The following BPIFB2 variants were observed in gnomAD, a reference collection of about 807,000 sequenced individuals.
BPIFB2 encodes BPI fold containing family B member 2.
In BPIFB2, 39 loss-of-function variants were observed where a neutral mutation model predicts 50.1. That is an observed-to-expected ratio of 0.78 (90% confidence interval 0.60 to 1.02). BPIFB2 has a LOEUF of 1.02. BPIFB2 is among the 50% of genes least tolerant of loss of function. BPIFB2 has a pLI of 0.00. For missense variants in BPIFB2, 574 were observed against 585.8 expected (o/e 0.98, Z 0.21); for synonymous variants, 280 against 256.3 (o/e 1.09, Z -0.88).
Position 33,008,585 on chromosome 20 carries a change from C to T in BPIFB2, c.11C>T (p.Ala4Val), listed in dbSNP as rs1990241791. The change falls in exon 2 of 16, where the codon GCA becomes GTA. Residue 4 changes from alanine (A) to valine (V), a missense_variant. Physicochemically the swap from Ala to Val is moderately conservative, Grantham distance 64. Coordinates refer to ENST00000170150, the MANE Select transcript of BPIFB2 (RefSeq NM_025227.3). ...GCGGCCAGGGCAGCCATGGCTTGGGCAAGTAGGCTGGGCCTGCTGCTGGCA... is the reference window on the plus strand; with the variant it reads ...GCGGCCAGGGCAGCCATGGCTTGGGTAAGTAGGCTGGGCCTGCTGCTGGCA... MAWASRLGLLLALL... is the reference protein window; with the variant it reads MAWVSRLGLLLALL... 2 of 1,597,288 alleles carry T rather than the reference C, an allele frequency of 1.3e-6. No individual in the cohort carries two copies. Among genetic ancestry groups the T allele is most frequent in the Non-Finnish European group, 1.7e-6 (2 of 1,172,018 alleles).
In BPIFB2 at chr20:33,018,921, C is replaced by A. The variant is rs537922118; in HGVS notation, c.855+99C>A. On this transcript the variant is annotated intron_variant, in intron 9 of 15. Coordinates refer to ENST00000170150, the MANE Select transcript of BPIFB2 (RefSeq NM_025227.3). ...GAGGCCAAATCATGGGTGGGTGGGG[C>A]CGCTGAAGCTGGCGCCACAGGGTGG... The A allele has an allele frequency of 1.7e-5, 27 of 1,565,932 alleles. No homozygotes were observed. In the East Asian group the frequency reaches 6.1e-4, roughly 35 times the overall value.
intron 10 of BPIFB2, 40 bp from the exon 11 acceptor site, chr20:33,019,540 C>T (rs544024510): frequency 2.5e-5 from 38 of 1,537,736 alleles, no homozygotes; most frequent in African/African-American, 5.5e-5. Flanking sequence ...GCCCGCCAGC[C>T]GCTGCCTCAG....
intron 4 of BPIFB2, 76 bp downstream of exon 4, chr20:33,012,983 T>A (rs1990310340): frequency 8.2e-7 from 1 of 1,220,644 alleles, no homozygotes; most frequent in Non-Finnish European, 1.2e-6. Context: ...GGACGGGGGG[T>A]AGCAACTCCT....
In BPIFB2 at chr20:33,019,631, G is replaced by A. The variant is rs770323559; in HGVS notation, c.961G>A (p.Gly321Ser). ...PMPVVLKVRL[G>S]ATPVAMLHTN... is the part of the protein sequence containing the mutation. Reference sequence around the variant, plus strand: ...GCCTGTGGTGCTCAAGGTGCGGCTGGGTGCCACACCTGTGGCCATGCTCCA... The same window carrying A: ...GCCTGTGGTGCTCAAGGTGCGGCTGAGTGCCACACCTGTGGCCATGCTCCA... Residue 321 changes from glycine to serine, a missense_variant, in exon 11 of 16, where the codon GGT becomes AGT. Coordinates refer to ENST00000170150, the MANE Select transcript of BPIFB2 (RefSeq NM_025227.3). The A allele has an allele frequency of 6.2e-7, 1 of 1,610,514 alleles. No individual in the cohort carries two copies. Among genetic ancestry groups the A allele is most frequent in the African/African-American group, 1.3e-5 (1 of 74,886 alleles).
At chr20:33,021,388 C>A in intron 14 of BPIFB2, 44 bp downstream of exon 14, 1 of 1,567,156 alleles carries the variant, frequency 6.4e-7, no homozygotes, top group Non-Finnish European at 8.7e-7. Flanking sequence ...CTGGCCCCCT[C>A]CATATCCCAC....
In BPIFB2 at chr20:33,019,637, A is replaced by G. The variant is rs1054552010; in HGVS notation, c.967A>G (p.Thr323Ala). 2 of 1,611,412 alleles carry G rather than the reference A, an allele frequency of 1.2e-6. No individual in the cohort carries two copies. The highest frequency in any genetic ancestry group is 3.3e-5 in the Admixed American group (2 of 59,894). Residue 323 changes from threonine to alanine, a missense_variant, in exon 11 of 16, where the codon ACA becomes GCA. Transcript: ENST00000170150. ...PVVLKVRLGA[T>A]PVAMLHTNNA... ...GGTGCTCAAGGTGCGGCTGGGTGCC[A>G]CACCTGTGGCCATGCTCCACACAAA...
At chr20:33,021,853 T>G (rs1978686631) in intron 15 of BPIFB2, 54 bp downstream of exon 15, 2 of 1,550,948 alleles carry the variant, frequency 1.3e-6, no homozygotes, top group African/African-American at 1.4e-5. Flanking sequence ...AGGGACTGAT[T>G]GAGGTGGGGG....
At chr20:33,019,502 C>T in intron 10 of BPIFB2, 78 bp from the exon 11 acceptor site, 1 of 1,436,334 alleles carries the variant, frequency 7.0e-7, no homozygotes, top group Non-Finnish European at 9.3e-7. Flanking sequence ...GTGGCCCAAT[C>T]AGCATTTGAG....
intron 15 of BPIFB2, among the ~76,000 whole-genome samples, chr20:33,022,870 TCTG>T (rs1978726224): frequency 6.6e-6 from 1 of 152,230 alleles, no homozygotes; most frequent in Non-Finnish European, 1.5e-5. Flanking sequence ...TGGCTTGTTC[TCTG>T]CTGGCTCCCC....
At chr20:33,023,309 C>T in intron 15 of BPIFB2, 33 bp from the exon 16 acceptor site, 1 of 1,610,070 alleles carries the variant, frequency 6.2e-7, no homozygotes, top group Non-Finnish European at 8.5e-7. Context: ...TGTGCCTCCT[C>T]TGACCTGGTC....
At chr20:33,015,544 GA>G in intron 6 of BPIFB2, 48 bp downstream of exon 6, 1 of 1,505,884 alleles carries the variant, frequency 6.6e-7, no homozygotes, top group Non-Finnish European at 9.1e-7. Context: ...GCTTCACCGA[GA>G]AGGCACAGTG....
chr20:33,013,079 A>G (rs1377970071), intron 4 of BPIFB2, among the ~76,000 whole-genome samples, 172 bp downstream of exon 4: 1 of 151,998 alleles, frequency 6.6e-6, no homozygotes, highest in African/African-American at 2.4e-5. Context: ...TAGTGAGAAC[A>G]TTTCTGAGAA....
chr20:33,012,584 G>A (rs1217571978), intron 3 of BPIFB2, among the ~76,000 whole-genome samples: 1 of 152,102 alleles, frequency 6.6e-6, no homozygotes, highest in East Asian at 1.9e-4. Flanking sequence ...GCCCGAAGCG[G>A]GGGCCCCTCT....
chr20:33,023,221 G>T lies in BPIFB2; in HGVS notation c.1336-121G>T. ...GTAAACTGAGGCCCAGAGAGGCAAA[G>T]GACTCTCCTCACAACCCACAGCAAG... On this transcript the variant is annotated intron_variant, in intron 15 of 15. Coordinates refer to ENST00000170150, the MANE Select transcript of BPIFB2 (RefSeq NM_025227.3). 3.1e-6 allele frequency: 3 copies of T among 974,808 alleles called. No individual in the cohort carries two copies. The South Asian group carries it at 4.2e-5, about 14-fold the overall frequency. 60.4% of individuals were successfully genotyped at this position (974,808 alleles called of 1,614,324 possible). A position where few individuals can be genotyped will look rare whatever the true frequency, so the allele number is the denominator to read the frequency against.
At chr20:33,011,149 C>T in intron 3 of BPIFB2, 32 bp downstream of exon 3, 1 of 1,596,500 alleles carries the variant, frequency 6.3e-7, no homozygotes, top group Non-Finnish European at 8.6e-7. Context: ...AGAAGGTGCT[C>T]CTGCCACCAA....
Position 33,021,346 on chromosome 20 carries a change from T to G in BPIFB2, c.1258+2T>G. Reference sequence around the variant, plus strand: ...AGCCCCTGCTGGACCATCTCAATGGTAAGCCCTGCCCTCCACCCCAGCAGG... The same window carrying G: ...AGCCCCTGCTGGACCATCTCAATGGGAAGCCCTGCCCTCCACCCCAGCAGG... On this transcript the variant is annotated splice_donor_variant, in intron 14 of 15. Transcript: ENST00000170150. LOFTEE classifies it high-confidence loss of function. The G allele has an allele frequency of 3.1e-6, 5 of 1,612,372 alleles. No individual in the cohort carries two copies. Among genetic ancestry groups the G allele is most frequent in the Non-Finnish European group, 4.2e-6 (5 of 1,179,306 alleles).
chr20:33,020,232 C>A, intron 11 of BPIFB2, 96 bp from the exon 12 acceptor site: 1 of 1,221,246 alleles, frequency 8.2e-7, no homozygotes, highest in South Asian at 1.3e-5. Flanking sequence ...CAGACACCTG[C>A]TGCCTGAATG....
rs1990261129 is a variant in BPIFB2 at position 33,009,710 on chromosome 20, C to T, written c.109+1027C>T. On this transcript the variant is annotated intron_variant, in intron 2 of 15. Coordinates refer to ENST00000170150, the MANE Select transcript of BPIFB2 (RefSeq NM_025227.3). This position sits in a 1 kb window ranked among gnomAD's most constrained non-coding sequence, Gnocchi z 4.2. Reference sequence around the variant, plus strand: ...CAGGTAGGGCCATGAGGCCCGCGCCCTCCGCCGCCTTCCTGCCCTCTGCCC... The same window carrying T: ...CAGGTAGGGCCATGAGGCCCGCGCCTTCCGCCGCCTTCCTGCCCTCTGCCC... Among the ~76,000 whole-genome samples the T allele has an allele frequency of 6.6e-6, 1 of 152,254 alleles. No individual in the cohort carries two copies. Among genetic ancestry groups the T allele is most frequent in the Admixed American group, 6.5e-5 (1 of 15,290 alleles).
intron 4 of BPIFB2, 128 bp downstream of exon 4, chr20:33,013,035 C>A: frequency 1.4e-6 from 1 of 704,406 alleles, no homozygotes; most frequent in Non-Finnish European, 2.4e-6. Flanking sequence ...TGTCCAGTTG[C>A]TCTCTCTCCC....
Sources: gnomAD v4.1 joint callset for allele counts (sites outside exome capture counted in the v4.1 genomes callset) on GRCh38, gnomAD v4.1.1 for gene constraint, Gnocchi (gnomAD v3.1) non-coding constraint, MANE v1.5 for transcripts, NCBI Gene and HGNC (gene_info 2026-07-23, HGNC 2026-07-21) for gene names.